The following UNC5C variants were observed in gnomAD, a reference collection of about 807,000 sequenced individuals.
UNC5C encodes the protein unc-5 netrin receptor C, also known as netrin receptor UNC5C.
UNC5C carries 47 observed loss-of-function variants against 99.8 expected under a neutral mutation model. The ratio of observed to expected loss-of-function variants is 0.47; its 90% CI spans 0.37 to 0.60. The LOEUF (loss-of-function observed/expected upper bound fraction) is 0.60, where lower values mean the gene tolerates loss of function less well. UNC5C is among the 20% of genes least tolerant of loss of function. UNC5C has a pLI of 0.00. For synonymous variants in UNC5C, 487 were observed against 452.2 expected (o/e 1.08, Z -0.98); for missense variants, 1,062 against 1,165.9 (o/e 0.91, Z 1.30).
chr4:95,397,783 A>G (rs1364676830), intron 1 of UNC5C, among the ~76,000 whole-genome samples: 1 of 152,234 alleles, frequency 6.6e-6, no homozygotes, highest in African/African-American at 2.4e-5. Context: ...ACTATTTGAC[A>G]TAGACTTTAC....
intron 4 of UNC5C, among the ~76,000 whole-genome samples, chr4:95,257,238 A>T (rs180680075): frequency 1.1e-3 from 160 of 152,210 alleles, no homozygotes; most frequent in African/African-American, 3.7e-3. Context: ...CCACACCTCT[A>T]TAAGAAACAT....
intron 1 of UNC5C, among the ~76,000 whole-genome samples, chr4:95,396,534 C>T (rs1018549506): frequency 6.6e-6 from 1 of 152,104 alleles, no homozygotes; most frequent in African/African-American, 2.4e-5. Flanking sequence ...TGAACCCGAC[C>T]TTCAAGCCAA....
chr4:95,204,679 G>T (rs1160757797), intron 11 of UNC5C, among the ~76,000 whole-genome samples: 2 of 152,248 alleles, frequency 1.3e-5, no homozygotes, highest in African/African-American at 4.8e-5. Flanking sequence ...GAGTCAGTCA[G>T]TCTCTCTGCA....
chr4:95,240,490 A>C (rs1275367863), intron 7 of UNC5C, among the ~76,000 whole-genome samples: 1 of 152,018 alleles, frequency 6.6e-6, no homozygotes, highest in Non-Finnish European at 1.5e-5. Context: ...CAGATGAAAG[A>C]GTTTATTGAC....
At chr4:95,257,920 T>C (rs1369141741) in intron 4 of UNC5C, among the ~76,000 whole-genome samples, 1 of 152,180 alleles carries the variant, frequency 6.6e-6, no homozygotes, top group Non-Finnish European at 1.5e-5. Context: ...AAAGCGTTAA[T>C]AAAACTTAGA....
At chr4:95,342,912 A>G (rs1348856864) in intron 1 of UNC5C, among the ~76,000 whole-genome samples, 2 of 152,008 alleles carry the variant, frequency 1.3e-5, no homozygotes, top group Non-Finnish European at 2.9e-5. Flanking sequence ...GGCAGTGGCC[A>G]TGGAAAAAGA....
chr4:95,181,478 A>AC (rs149360808), intron 14 of UNC5C, among the ~76,000 whole-genome samples: 220 of 151,480 alleles, frequency 1.5e-3, no homozygotes, highest in African/African-American at 4.1e-3. Flanking sequence ...AGACCCCCTC[A>AC]CCCCCCTCCA....
chr4:95,288,158 C>A (rs1363844271), intron 3 of UNC5C, among the ~76,000 whole-genome samples: 1 of 151,938 alleles, frequency 6.6e-6, no homozygotes, highest in East Asian at 1.9e-4. Flanking sequence ...CCTCTGCTCA[C>A]TGAAAACTCT....
intron 1 of UNC5C, among the ~76,000 whole-genome samples, chr4:95,449,434 T>G (rs1173530777): frequency 1.3e-5 from 2 of 152,198 alleles, no homozygotes; most frequent in Non-Finnish European, 2.9e-5. Context: ...TTTGTTATAA[T>G]GAATATTGAC....
intron 3 of UNC5C, among the ~76,000 whole-genome samples, chr4:95,292,241 A>G (rs1448519961): frequency 4.8e-5 from 1 of 20,988 alleles, no homozygotes; most frequent in Non-Finnish European, 9.5e-5. Flanking sequence ...ACACACATAT[A>G]TATATATATA....
chr4:95,416,309 C>T (rs1178255004), intron 1 of UNC5C, among the ~76,000 whole-genome samples: 1 of 152,010 alleles, frequency 6.6e-6, no homozygotes, highest in Non-Finnish European at 1.5e-5. Flanking sequence ...TCGTGATGTG[C>T]ACTGTAGCTT....
At chr4:95,271,228 A>AT (rs1740648144) in intron 4 of UNC5C, among the ~76,000 whole-genome samples, 1 of 102,832 alleles carries the variant, frequency 9.7e-6, no homozygotes, top group South Asian at 2.8e-4. Flanking sequence ...TTTATTTTTT[A>AT]TTTATTTTTT....
chr4:95,461,096 A>C (rs556026236), intron 1 of UNC5C, among the ~76,000 whole-genome samples: 1 of 152,352 alleles, frequency 6.6e-6, no homozygotes, highest in Non-Finnish European at 1.5e-5. Context: ...TAAATTATTG[A>C]CAATGATAGT....
chr4:95,245,179 C>T (rs1029611245), intron 5 of UNC5C, 35 bp from the exon 6 acceptor site: 1 of 1,597,838 alleles, frequency 6.3e-7, no homozygotes, highest in Non-Finnish European at 8.5e-7. Flanking sequence ...GTGGATTAAA[C>T]ATGTGTGCAT....
chr4:95,312,129 T>G (rs1323401080), intron 2 of UNC5C, among the ~76,000 whole-genome samples: 1 of 152,038 alleles, frequency 6.6e-6, no homozygotes, highest in Non-Finnish European at 1.5e-5. Flanking sequence ...CGTAAGGAGA[T>G]AAGGTCTCTG....
At chr4:95,436,181 T>C (rs997914888) in intron 1 of UNC5C, among the ~76,000 whole-genome samples, 3 of 149,442 alleles carry the variant, frequency 2.0e-5, no homozygotes, top group African/African-American at 7.3e-5. Context: ...ATAATTTATC[T>C]GATGAAAAAA....
At chr4:95,206,427 T>TG (rs1263746157) in intron 11 of UNC5C, among the ~76,000 whole-genome samples, 5 of 152,120 alleles carry the variant, frequency 3.3e-5, no homozygotes, top group African/African-American at 1.2e-4. Context: ...ATCTAATGAG[T>TG]GACCATCATT....
intron 1 of UNC5C, among the ~76,000 whole-genome samples, chr4:95,393,114 T>A (rs1745409956): frequency 6.6e-6 from 1 of 152,192 alleles, no homozygotes; most frequent in African/African-American, 2.4e-5. Context: ...CTTAACTTTA[T>A]TATACTGCTC....
chr4:95,303,918 G>A (rs1741966389), intron 2 of UNC5C, among the ~76,000 whole-genome samples: 1 of 152,060 alleles, frequency 6.6e-6, no homozygotes, highest in African/African-American at 2.4e-5. Context: ...ACAGGAGAGG[G>A]TATATTTTCT....
Sources: gnomAD v4.1 joint callset for allele counts (sites outside exome capture counted in the v4.1 genomes callset) on GRCh38, gnomAD v4.1.1 for gene constraint, MANE v1.5 for transcripts, NCBI Gene and HGNC (gene_info 2026-07-23, HGNC 2026-07-21) for gene names.